AK2: variants seen among roughly 807,000 people sequenced by gnomAD.
AK2 encodes the protein adenylate kinase 2, mitochondrial.
A neutral mutation model predicts 24.6 loss-of-function variants in AK2; 15 were observed. That is an observed-to-expected ratio of 0.61 (90% CI 0.41 to 0.94). AK2 has a LOEUF of 0.94. AK2 is among the 40% of genes least tolerant of loss of function. The pLI, the probability that AK2 is intolerant of heterozygous loss-of-function variation, is 0.00. For missense variants in AK2, 257 were observed against 304.1 expected, an observed-to-expected ratio of 0.85 and a Z score of 1.15; for synonymous variants, 102 against 114.0, an observed-to-expected ratio of 0.90 and a Z score of 0.67.
intron 1 of AK2, among the ~76,000 whole-genome samples, chr1:33,034,535 G>A (rs1282251739): frequency 6.6e-6 from 1 of 151,782 alleles, no homozygotes; most frequent in Non-Finnish European, 1.5e-5. Flanking sequence ...GTTGATGAGG[G>A]CAAGAACTTT....
chr1:33,024,038 G>A (rs1340533224), intron 2 of AK2: 7 of 248,728 alleles, frequency 2.8e-5, no homozygotes, highest in South Asian at 1.3e-4. Flanking sequence ...AGGCATGGTG[G>A]CAGGTGCCTG....
At chr1:33,019,537 G>A (rs940371223) in intron 4 of AK2, 75 of 861,122 alleles carry the variant, frequency 8.7e-5, no homozygotes, top group East Asian at 2.5e-4. Context: ...TGGAATAGCC[G>A]GAGACATGTA....
At chr1:33,033,589 A>G (rs1640385364) in intron 1 of AK2, among the ~76,000 whole-genome samples, 1 of 152,370 alleles carries the variant, frequency 6.6e-6, no homozygotes, top group African/African-American at 2.4e-5. Context: ...GATTTTTTAA[A>G]GGATATTATG....
chr1:33,009,103 G>T lies in AK2; in HGVS notation c.*4078C>A. ...TGAGGAAGTGGAGCAGAAGAGGGAG[G>T]GGCTGGTTCAGGGAACAGGATTTAA... On this transcript the variant is annotated 3_prime_UTR_variant, in exon 6 of 6. Coordinates refer to ENST00000672715, the MANE Select transcript of AK2 (RefSeq NM_001625.4). 2.2e-6 allele frequency: 1 copy of T among 453,494 alleles called. No individual in the cohort carries two copies. The highest frequency in any genetic ancestry group is 1.6e-5 in the South Asian group (1 of 64,444). The allele number at this position is 453,494 out of a possible 1,614,324, so 28.1% of individuals were successfully genotyped here.
At chr1:33,019,695 T>C in intron 4 of AK2, 2 of 1,026,160 alleles carry the variant, frequency 1.9e-6, no homozygotes, top group African/African-American at 1.7e-5. Flanking sequence ...GGAAAAGATG[T>C]TCAACCTCAT....
intron 1 of AK2, among the ~76,000 whole-genome samples, chr1:33,033,006 AC>A (rs1419075993): frequency 6.6e-6 from 1 of 152,070 alleles, no homozygotes; most frequent in Non-Finnish European, 1.5e-5. Context: ...TACTAAAGAT[AC>A]AAAAAATTAG....
Position 33,009,315 on chromosome 1 carries a change from G to A in AK2, c.*3866C>T, listed in dbSNP as rs1638657186. 2.2e-6 allele frequency: 1 copy of A among 453,984 alleles called. No individual in the cohort carries two copies. Among genetic ancestry groups the A allele is most frequent in the Non-Finnish European group, 4.4e-6 (1 of 226,796 alleles). The allele number at this position is 453,984 out of a possible 1,614,324, so 28.1% of individuals were successfully genotyped here. A position where few individuals can be genotyped will look rare whatever the true frequency, so the allele number is the denominator to read the frequency against. On this transcript the variant is annotated 3_prime_UTR_variant, in exon 6 of 6. Transcript: ENST00000672715. ...AAATTATTTAAGCTCACTTTTGCTG[G>A]AGAGGAAATGAATTTAAACTAGGAC...
intron 2 of AK2, among the ~76,000 whole-genome samples, chr1:33,023,350 G>T (rs1170163467): frequency 3.3e-5 from 5 of 151,944 alleles, no homozygotes; most frequent in Non-Finnish European, 7.4e-5. Flanking sequence ...ACTGCTCCTG[G>T]GTTTAGCTCA....
intron 4 of AK2, among the ~76,000 whole-genome samples, chr1:33,017,488 C>T (rs1334695597): frequency 6.6e-6 from 1 of 152,168 alleles, no homozygotes; most frequent in Non-Finnish European, 1.5e-5. Context: ...TATTTTTTTA[C>T]CTTCTAGAGA....
At chr1:33,024,995 A>C (rs1402440446) in intron 1 of AK2, among the ~76,000 whole-genome samples, 1 of 151,708 alleles carries the variant, frequency 6.6e-6, no homozygotes, top group Non-Finnish European at 1.5e-5. Flanking sequence ...GACCAGCCTG[A>C]CCAACATGGG....
Position 33,036,627 on chromosome 1 carries a change from G to A in AK2, c.93+109C>T. On this transcript the variant is annotated intron_variant, in intron 1 of 5. Transcript: ENST00000672715. ...GAGACCCCGGCCAGCGTTCCCCGCA[G>A]GCCTTAGTCCCCGGCCCGCTCCGGG... 4.9e-6 allele frequency: 5 copies of A among 1,027,062 alleles called. No homozygotes were observed. In the South Asian group the frequency reaches 5.5e-5, roughly 11 times the overall value. 63.6% of individuals were successfully genotyped at this position (1,027,062 alleles called of 1,614,324 possible).
At chr1:33,019,360 C>T (rs1392752815) in intron 4 of AK2, among the ~76,000 whole-genome samples, 1 of 152,158 alleles carries the variant, frequency 6.6e-6, no homozygotes, top group Non-Finnish European at 1.5e-5. Flanking sequence ...AATCAAAGGT[C>T]TCCAGTATCA....
intron 1 of AK2, among the ~76,000 whole-genome samples, chr1:33,029,803 G>A (rs895739273): frequency 6.6e-6 from 1 of 152,166 alleles, no homozygotes; most frequent in Non-Finnish European, 1.5e-5. Flanking sequence ...CACAGCTTCC[G>A]GAGTAGTTGG....
At chr1:33,015,305 G>A (rs1639114204) in intron 4 of AK2, among the ~76,000 whole-genome samples, 1 of 152,206 alleles carries the variant, frequency 6.6e-6, no homozygotes, top group South Asian at 2.1e-4. Flanking sequence ...TAGAGCTCAA[G>A]AACAGGCATT....
chr1:33,015,795 G>A (rs1205938499), intron 4 of AK2, among the ~76,000 whole-genome samples: 1 of 152,158 alleles, frequency 6.6e-6, no homozygotes, highest in Non-Finnish European at 1.5e-5. Flanking sequence ...GGCTGAGGCA[G>A]GAGGATCGCT....
intron 1 of AK2, among the ~76,000 whole-genome samples, chr1:33,034,347 T>C (rs1287412380): frequency 6.6e-6 from 1 of 151,722 alleles, no homozygotes; most frequent in African/African-American, 2.4e-5. Context: ...AACATCCAAG[T>C]TGAAGGAGGG....
intron 2 of AK2, among the ~76,000 whole-genome samples, chr1:33,023,196 A>C (rs1052859777): frequency 1.3e-5 from 2 of 152,208 alleles, no homozygotes; most frequent in African/African-American, 2.4e-5. Flanking sequence ...AGTTATAATT[A>C]ATCTAGCAAT....
At chr1:33,015,090 G>T (rs1465298898) in intron 4 of AK2, among the ~76,000 whole-genome samples, 1 of 152,128 alleles carries the variant, frequency 6.6e-6, no homozygotes, top group Non-Finnish European at 1.5e-5. Flanking sequence ...GGGGGACAGA[G>T]GACAAAGAAA....
Position 33,011,298 on chromosome 1 carries a change from C to G in AK2, c.*1883G>C, listed in dbSNP as rs115634718. ...TCCCAGACCAGGCACACATAGCTGACAGTTTTTGTTTCACTCCTCTTCCTT... is the reference window on the plus strand; with the variant it reads ...TCCCAGACCAGGCACACATAGCTGAGAGTTTTTGTTTCACTCCTCTTCCTT... On this transcript the variant is annotated 3_prime_UTR_variant, in exon 6 of 6. Coordinates refer to ENST00000672715, the MANE Select transcript of AK2 (RefSeq NM_001625.4). 1 of 1,290,990 alleles carries G rather than the reference C, an allele frequency of 7.7e-7. No homozygotes were observed. The highest frequency in any genetic ancestry group is 1.5e-5 in the African/African-American group (1 of 65,988). The allele number at this position is 1,290,990 out of a possible 1,614,324, so 80.0% of individuals were successfully genotyped here. A position where few individuals can be genotyped will look rare whatever the true frequency, so the allele number is the denominator to read the frequency against.
Sources: allele counts gnomAD v4.1 joint callset (sites outside exome capture counted in the v4.1 genomes callset), GRCh38; gene constraint gnomAD v4.1.1; transcripts MANE v1.5; gene names NCBI Gene and HGNC (gene_info 2026-07-23, HGNC 2026-07-21).